Variants in NKAIN2 observed in about 807,000 individuals in gnomAD.
NKAIN2 encodes the protein sodium/potassium transporting ATPase interacting 2, also known as sodium/potassium-transporting ATPase subunit beta-1-interacting protein 2.
A neutral mutation model predicts 32.6 loss-of-function variants in NKAIN2; 14 were observed. That is an observed-to-expected ratio of 0.43 (90% CI 0.28 to 0.67). The LOEUF (loss-of-function observed/expected upper bound fraction) is 0.67, where lower values mean the gene tolerates loss of function less well. NKAIN2 is among the 30% of genes least tolerant of loss of function. The pLI, the probability that NKAIN2 is intolerant of heterozygous loss-of-function variation, is 0.17. For missense variants in NKAIN2, 198 were observed against 258.3 expected, an observed-to-expected ratio of 0.77 and a Z score of 1.60; for synonymous variants, 80 against 87.2, an observed-to-expected ratio of 0.92 and a Z score of 0.46.
chr6:123,842,519 CA>C (rs1774914311), intron 1 of NKAIN2, among the ~76,000 whole-genome samples: 1 of 152,074 alleles, frequency 6.6e-6, no homozygotes, highest in South Asian at 2.1e-4. Flanking sequence ...GTTAGGACTT[CA>C]ACATATGAAT....
intron 3 of NKAIN2, among the ~76,000 whole-genome samples, chr6:124,363,955 C>G (rs1382264313): frequency 2.6e-5 from 4 of 151,892 alleles, no homozygotes; most frequent in Admixed American, 6.6e-5. Flanking sequence ...TTTTAATTAT[C>G]TGGTAAAGAT....
intron 4 of NKAIN2, among the ~76,000 whole-genome samples, chr6:124,781,926 C>A (rs1260506013): frequency 6.6e-6 from 1 of 152,126 alleles, no homozygotes; most frequent in Non-Finnish European, 1.5e-5. Flanking sequence ...CTTCCCCAAT[C>A]CACATTTTAT....
intron 1 of NKAIN2, among the ~76,000 whole-genome samples, chr6:124,074,393 T>A (rs1298710448): frequency 1.3e-5 from 2 of 152,174 alleles, no homozygotes; most frequent in African/African-American, 2.4e-5. Flanking sequence ...TGGTGGGACC[T>A]CTCCCAAAAT....
intron 1 of NKAIN2, among the ~76,000 whole-genome samples, chr6:124,201,599 A>C (rs1472852314): frequency 2.6e-5 from 4 of 152,160 alleles, no homozygotes; most frequent in Non-Finnish European, 1.5e-5. Context: ...ATGAAATAAC[A>C]CAATATTTTG....
At chr6:124,794,979 T>C in intron 5 of NKAIN2, 1 of 213,016 alleles carries the variant, frequency 4.7e-6, no homozygotes, top group Non-Finnish European at 8.1e-6. Context: ...AAAACCACTC[T>C]CAAGCAAACC....
intron 4 of NKAIN2, among the ~76,000 whole-genome samples, chr6:124,683,381 A>G (rs1434482015): frequency 6.6e-6 from 1 of 152,076 alleles, no homozygotes; most frequent in East Asian, 1.9e-4. Context: ...TATCTAAATG[A>G]TCTCCTTGGC....
chr6:124,818,323 TGG>T, intron 5 of NKAIN2, 62 bp from the exon 6 acceptor site: 1 of 802,868 alleles, frequency 1.2e-6, no homozygotes, highest in Non-Finnish European at 2.2e-6. Context: ...GTAATCTGTG[TGG>T]GTGCTTGATC....
intron 3 of NKAIN2, among the ~76,000 whole-genome samples, chr6:124,570,246 A>G (rs1371091534): frequency 6.6e-6 from 1 of 152,228 alleles, no homozygotes; most frequent in African/African-American, 2.4e-5. Context: ...GAAAATTTGC[A>G]ATCTGAGGAT....
At chr6:124,441,654 T>G (rs933966284) in intron 3 of NKAIN2, among the ~76,000 whole-genome samples, 2 of 152,098 alleles carry the variant, frequency 1.3e-5, no homozygotes, top group African/African-American at 4.8e-5. Context: ...TTTCAGATGA[T>G]TCTATTCCCC....
At chr6:123,911,787 A>ATATATATATGTATATATATATATG (rs1775196667) in intron 1 of NKAIN2, among the ~76,000 whole-genome samples, 1 of 71,280 alleles carries the variant, frequency 1.4e-5, no homozygotes, top group East Asian at 5.6e-4. Flanking sequence ...ACATACATAT[A>ATATATATATGTATATATATATATG]TATATATATA....
rs114573744 is a variant in NKAIN2, at chr6:124,474,697, A to G, written c.273+119350A>G. 9.1e-3 allele frequency among the ~76,000 whole-genome samples: 1,374 copies of G among 151,682 alleles called. 15 individuals carry two copies. The highest frequency in any genetic ancestry group is 0.032 in the African/African-American group (1,317 of 41,456). ...TTTTATATAAATTTTGTCAGTAACT[A>G]TGCCTAAGCTAGTATTAGAAGCAAT... On this transcript the variant is annotated intron_variant, in intron 3 of 6. Coordinates refer to ENST00000368417, the MANE Select transcript of NKAIN2 (RefSeq NM_001040214.3).
chr6:124,425,963 C>A (rs1383226782), intron 3 of NKAIN2, among the ~76,000 whole-genome samples: 1 of 152,058 alleles, frequency 6.6e-6, no homozygotes, highest in Non-Finnish European at 1.5e-5. Flanking sequence ...ATTGCTCAAG[C>A]CAAAAGTGCC....
Position 124,355,335 on chromosome 6 carries a change from G to A in NKAIN2, c.261G>A (p.Gly87=), listed in dbSNP as rs918758665. 5.0e-6 allele frequency: 8 copies of A among 1,603,236 alleles called. No homozygotes were observed. The highest frequency in any genetic ancestry group is 1.7e-5 in the Admixed American group (1 of 59,960). The change falls in exon 3 of 7, where the codon GGG becomes GGA. Residue 87 remains glycine (G), a synonymous_variant. Coordinates refer to ENST00000368417, the MANE Select transcript of NKAIN2 (RefSeq NM_001040214.3). ...TTATCTGCTTCTATTTGGAGGCTGG[G>A]GACCTCTCAAAGGTAATTTACATCT... ...VFVICFYLEA[G]DLSKETDLIL... is the part of the protein sequence containing the mutation.
chr6:124,609,991 T>A (rs1782633666), intron 3 of NKAIN2, among the ~76,000 whole-genome samples: 1 of 152,122 alleles, frequency 6.6e-6, no homozygotes, highest in Admixed American at 6.6e-5. Flanking sequence ...ATTGGAGAGT[T>A]GTAACTATAT....
intron 5 of NKAIN2, among the ~76,000 whole-genome samples, chr6:124,807,702 C>G (rs1205418770): frequency 6.6e-6 from 1 of 151,170 alleles, no homozygotes; most frequent in Non-Finnish European, 1.5e-5. Context: ...AATCCAGGAG[C>G]TGGTTTTTTG....
intron 1 of NKAIN2, chr6:124,121,798 C>G (rs1339950423): frequency 6.8e-6 from 2 of 294,770 alleles, no homozygotes; most frequent in Non-Finnish European, 1.2e-5. Context: ...AAGTTCCAAG[C>G]CTTGTTGAAT....
chr6:123,955,545 GTTGTGTCACCCCTTAACAT>G (rs1777534068), intron 1 of NKAIN2, among the ~76,000 whole-genome samples: 1 of 151,564 alleles, frequency 6.6e-6, no homozygotes, highest in South Asian at 2.1e-4. Context: ...CAAATGTGCA[GTTGTGTCACCCCTTAACAT>G]TTACTGTGGG....
Position 124,567,913 on chromosome 6 carries a change from C to G in NKAIN2, c.274-90273C>G, listed in dbSNP as rs150538157. Among the ~76,000 whole-genome samples, 23 of 152,220 alleles carry G rather than the reference C, an allele frequency of 1.5e-4. No individual in the cohort carries two copies. In the East Asian group the frequency reaches 3.9e-3, roughly 26 times the overall value. On this transcript the variant is annotated intron_variant, in intron 3 of 6. Coordinates refer to ENST00000368417, the MANE Select transcript of NKAIN2 (RefSeq NM_001040214.3). The stretch of plus-strand genomic sequence containing the variant: ...CATAGTTGGCTATCTCCTGATCTAG[C>G]GTGTGTTGACTGGGTCCCTCTGCTT...
At chr6:124,072,017 A>T (rs927654142) in intron 1 of NKAIN2, among the ~76,000 whole-genome samples, 1 of 152,164 alleles carries the variant, frequency 6.6e-6, no homozygotes, top group African/African-American at 2.4e-5. Flanking sequence ...AAAATGACAC[A>T]TGCACTCCTA....
Sources: allele counts gnomAD v4.1 joint callset (sites outside exome capture counted in the v4.1 genomes callset), GRCh38; gene constraint gnomAD v4.1.1; transcripts MANE v1.5; gene names NCBI Gene and HGNC (gene_info 2026-07-23, HGNC 2026-07-21).